Variants in AGBL3 observed in about 807,000 individuals in gnomAD.
The protein encoded by AGBL3 is AGBL carboxypeptidase 3, also known as cytosolic carboxypeptidase 3.
Under a neutral mutation model 94.5 loss-of-function variants are expected in AGBL3, and 68 were observed. That is an observed-to-expected ratio of 0.72 (90% CI 0.59 to 0.88). AGBL3 has a LOEUF of 0.88. AGBL3 is among the 40% of genes least tolerant of loss of function. The pLI, the probability that AGBL3 is intolerant of heterozygous loss-of-function variation, is 0.00. For missense variants in AGBL3, 934 were observed against 1,103.8 expected, an observed-to-expected ratio of 0.85 and a Z score of 2.18; for synonymous variants, 354 against 370.7, an observed-to-expected ratio of 0.95 and a Z score of 0.52.
chr7:135,077,721 CT>C (rs34337681), intron 13 of AGBL3, among the ~76,000 whole-genome samples: 141,059 of 152,126 alleles, frequency 0.93, 66,254 homozygotes, highest in Non-Finnish European at 1. Context: ...CTTTTTCTGC[CT>C]TTATGCCCCT....
Position 135,037,400 on chromosome 7 carries a change from T to A in AGBL3, c.1338-18T>A. 1 of 1,530,414 alleles carries A rather than the reference T, an allele frequency of 6.5e-7. No homozygotes were observed. Among genetic ancestry groups the A allele is most frequent in the Non-Finnish European group, 8.8e-7 (1 of 1,139,296 alleles). 94.8% of individuals were successfully genotyped at this position (1,530,414 alleles called of 1,614,324 possible). On this transcript the variant is annotated intron_variant, in intron 7 of 16. Transcript: ENST00000436302. ...AATGCAGAGATAAAAGTTAGTAACT[T>A]ATCTTTCTTCCTGGCAGACTGATGG... is the stretch of plus-strand genomic sequence containing the variant.
intron 15 of AGBL3, among the ~76,000 whole-genome samples, chr7:135,084,403 C>T (rs1002366654): frequency 1.1e-4 from 17 of 152,058 alleles, no homozygotes; most frequent in Admixed American, 1.1e-3. Flanking sequence ...GTTAATTATA[C>T]TCACCCTATA....
intron 15 of AGBL3, among the ~76,000 whole-genome samples, chr7:135,105,145 C>T (rs1483174592): frequency 6.7e-6 from 1 of 148,208 alleles, no homozygotes; most frequent in Non-Finnish European, 1.5e-5. Flanking sequence ...TCTTGGCTCA[C>T]TGCAACCTCC....
chr7:135,079,835 C>T (rs1820774212), intron 13 of AGBL3, among the ~76,000 whole-genome samples: 1 of 151,970 alleles, frequency 6.6e-6, no homozygotes, highest in Admixed American at 6.6e-5. Context: ...ATCTTTTCAC[C>T]CATTTCACAC....
chr7:135,045,705 A>C (rs1365287487), intron 10 of AGBL3, 94 bp from the exon 11 acceptor site: 1 of 1,307,374 alleles, frequency 7.6e-7, no homozygotes, highest in Admixed American at 2.2e-5. Context: ...TTAATTTCCC[A>C]GTAACAATTG....
chr7:135,015,515 T>C (rs1813668276), intron 4 of AGBL3, among the ~76,000 whole-genome samples: 1 of 152,138 alleles, frequency 6.6e-6, no homozygotes, highest in Admixed American at 6.5e-5. Context: ...GTGGGTTACA[T>C]CTGATTCTCA....
chr7:135,012,024 A>G (rs1813220155), intron 4 of AGBL3: 1 of 152,186 alleles, frequency 6.6e-6, no homozygotes, highest in Admixed American at 6.5e-5. Context: ...AATGTCCATT[A>G]TAAATAGAAA....
At position 135,026,216 on chromosome 7, in the gene AGBL3, C is replaced by T. The variant is rs566602214; in HGVS notation, c.419-6628C>T. Among the ~76,000 whole-genome samples the T allele has an allele frequency of 1.8e-4, 11 of 62,420 alleles. 1 individual carries two copies. The East Asian group carries it at 0.012, about 67-fold the overall frequency. The allele number at this position is 62,420 out of a possible 152,430, so 40.9% of individuals were successfully genotyped here. A position where few individuals can be genotyped will look rare whatever the true frequency, so the allele number is the denominator to read the frequency against. On this transcript the variant is annotated intron_variant, in intron 5 of 16. Transcript: ENST00000436302. The stretch of plus-strand genomic sequence containing the variant: ...TCACCCCAAGCACATTCTCACATCA[C>T]AGTGCAATAAAAATAGAAATGAATA...
At chr7:135,015,082 T>C (rs1936954183) in intron 4 of AGBL3, among the ~76,000 whole-genome samples, 1 of 152,174 alleles carries the variant, frequency 6.6e-6, no homozygotes, top group Non-Finnish European at 1.5e-5. Context: ...GACATAAAGA[T>C]AGCTGCAAAA....
chr7:135,047,725 G>A (rs1044853481), intron 11 of AGBL3, among the ~76,000 whole-genome samples: 1 of 151,764 alleles, frequency 6.6e-6, no homozygotes. Flanking sequence ...AGGTTATAGG[G>A]GTTTTTGCTA....
intron 4 of AGBL3, among the ~76,000 whole-genome samples, chr7:135,001,526 A>G (rs1055084908): frequency 6.6e-6 from 1 of 152,140 alleles, no homozygotes; most frequent in African/African-American, 2.4e-5. Context: ...GATTTGTTTA[A>G]AGCTCTTCAA....
intron 4 of AGBL3, among the ~76,000 whole-genome samples, chr7:134,994,976 A>G (rs988390256): frequency 6.6e-6 from 1 of 151,922 alleles, no homozygotes. Flanking sequence ...CTCCTCTGCT[A>G]CCACCCCCTC....
At chr7:135,095,710 T>C (rs1230282282) in intron 15 of AGBL3, among the ~76,000 whole-genome samples, 1 of 152,218 alleles carries the variant, frequency 6.6e-6, no homozygotes, top group East Asian at 1.9e-4. Flanking sequence ...CCATTCAAAG[T>C]CACTGTCACT....
In AGBL3 at chr7:135,034,367, TAGG is replaced by T. The variant is rs1563202466; in HGVS notation, c.779_781del (p.Gly260del). On this transcript the variant is annotated inframe_deletion, in exon 7 of 17. Transcript: ENST00000436302. Reference sequence around the variant, plus strand: ...GCTCATCACATTGGCTGGCAGAGAATAGGAGACCAAATCAAGTATTATAGGAAC... The same window carrying T: ...GCTCATCACATTGGCTGGCAGAGAATAGACCAAATCAAGTATTATAGGAAC... The T allele has an allele frequency of 6.4e-7, 1 of 1,551,628 alleles. No individual in the cohort carries two copies. The highest frequency in any genetic ancestry group is 1.2e-5 in the South Asian group (1 of 84,050).
At chr7:135,115,839 T>G in intron 16 of AGBL3, 3 of 449,500 alleles carry the variant, frequency 6.7e-6, no homozygotes, top group Non-Finnish European at 1.2e-5. Flanking sequence ...AAACTACTCA[T>G]TAATTTAGAT....
rs780268176 is a variant in AGBL3, at chr7:135,037,484, C to T, written c.1404C>T (p.Ile468=). The T allele has an allele frequency of 1.9e-6, 3 of 1,550,182 alleles. No individual in the cohort carries two copies. In the South Asian group the frequency reaches 3.6e-5, roughly 18 times the overall value. ...DLHGHSRKEN[I]FMYGCDGSDR... Reference sequence around the variant, plus strand: ...ATGGCCATAGTAGGAAAGAGAACATCTTCATGTATGGCTGTGATGGTAGTG... The same window carrying T: ...ATGGCCATAGTAGGAAAGAGAACATTTTCATGTATGGCTGTGATGGTAGTG... Residue 468 remains isoleucine (I), a synonymous_variant, in exon 8 of 17, where the codon ATC becomes ATT. Coordinates refer to ENST00000436302, the MANE Select transcript of AGBL3 (RefSeq NM_178563.4).
chr7:135,100,422 T>C (rs1219561634), intron 15 of AGBL3, among the ~76,000 whole-genome samples: 2 of 152,196 alleles, frequency 1.3e-5, no homozygotes, highest in African/African-American at 2.4e-5. Flanking sequence ...TTGGCAAGTT[T>C]CCCCTTACTT....
At position 134,991,410 on chromosome 7, in the gene AGBL3, C is replaced by T. The variant is rs556597078; in HGVS notation, c.125-2083C>T. ...TCTTCTGTTAAGAAAGACTGGGTTT[C>T]TGATTTGGAGAAGGAATTTTTTTTG... On this transcript the variant is annotated intron_variant, in intron 3 of 16. Coordinates refer to ENST00000436302, the MANE Select transcript of AGBL3 (RefSeq NM_178563.4). Among the ~76,000 whole-genome samples, 11 of 151,408 alleles carry T rather than the reference C, an allele frequency of 7.3e-5. No individual in the cohort carries two copies. The South Asian group carries it at 2.3e-3, about 31-fold the overall frequency.
chr7:135,017,086 C>A lies in AGBL3; in HGVS notation c.345C>A (p.Ile115=), dbSNP rs1813887897. The A allele has an allele frequency of 6.4e-7, 1 of 1,550,426 alleles. No homozygotes were observed. Residue 115 remains isoleucine (I), a synonymous_variant, in exon 5 of 17, where the codon ATC becomes ATA. Transcript: ENST00000436302. ...CTTCTTGTCCTGAGCCAGTGTATAT[C>A]CCAACGGGCTTAGAAACGGAACCCC... ...WTPSCPEPVY[I]PTGLETEPLY...
Sources: gnomAD v4.1 joint callset for allele counts (sites outside exome capture counted in the v4.1 genomes callset) on GRCh38, gnomAD v4.1.1 for gene constraint, MANE v1.5 for transcripts, NCBI Gene and HGNC (gene_info 2026-07-23, HGNC 2026-07-21) for gene names.